Variants in XYLT1 observed in about 807,000 individuals in gnomAD.
XYLT1 encodes the protein beta-D-xylosyltransferase 1.
Under a neutral mutation model 91.3 loss-of-function variants are expected in XYLT1, and 36 were observed. The observed-to-expected ratio is 0.39, with a 90% CI of 0.30 to 0.52. The LOEUF is 0.52. Ranked by LOEUF, XYLT1 falls within the 20% of genes least tolerant of loss-of-function variation. The probability of loss-of-function intolerance (pLI) is 0.68; values close to 1 mark genes in which losing one functional copy is unlikely to be tolerated. For synonymous variants in XYLT1, 588 were observed against 532.0 expected (o/e 1.11, Z -1.45); for missense variants, 1,242 against 1,284.5 (o/e 0.97, Z 0.51).
chr16:17,342,985 CAT>C (rs2035085198), intron 2 of XYLT1, among the ~76,000 whole-genome samples: 1 of 152,098 alleles, frequency 6.6e-6, no homozygotes, highest in African/African-American at 2.4e-5. Context: ...AAAAACAAAA[CAT>C]AAATTTTGAA....
intron 1 of XYLT1, among the ~76,000 whole-genome samples, chr16:17,396,336 C>A (rs2035886492): frequency 6.6e-6 from 1 of 152,172 alleles, no homozygotes; most frequent in Admixed American, 6.5e-5. Flanking sequence ...AGTCTGAAAG[C>A]TCAGCTGGGT....
At chr16:17,118,908 C>T (rs544086336) in intron 10 of XYLT1, among the ~76,000 whole-genome samples, 52 of 152,258 alleles carry the variant, frequency 3.4e-4, no homozygotes, top group African/African-American at 1.2e-3. Flanking sequence ...TGGAATACTC[C>T]TTTCTTGCAC....
intron 3 of XYLT1, among the ~76,000 whole-genome samples, chr16:17,255,152 A>G (rs1231761248): frequency 6.6e-6 from 1 of 151,604 alleles, no homozygotes; most frequent in Non-Finnish European, 1.5e-5. Flanking sequence ...GCACACCACC[A>G]TGCCCAGCTA....
At position 17,209,830 on chromosome 16, in the gene XYLT1, C is replaced by A. The variant is rs1178263894; in HGVS notation, c.914-9176G>T. Among the ~76,000 whole-genome samples the A allele has an allele frequency of 2.0e-5, 3 of 152,248 alleles. No homozygotes were observed. The South Asian group carries it at 6.2e-4, about 31-fold the overall frequency. On this transcript the variant is annotated intron_variant, in intron 3 of 11. Transcript: ENST00000261381. The stretch of plus-strand genomic sequence containing the variant: ...CATCACACTTGAACTTGTAACTAAT[C>A]ACATGGCTGGAGAGTGTTTAACAGG...
Position 17,214,535 on chromosome 16 carries a change from A to T in XYLT1, c.914-13881T>A, listed in dbSNP as rs2032819975. ...ATCCATAGAATCCAAGAGCATAACA[A>T]GTGATGGTGTTTTACGCCACTAAGT... is the stretch of plus-strand genomic sequence containing the variant. On this transcript the variant is annotated intron_variant, in intron 3 of 11. Transcript: ENST00000261381. 2.0e-5 allele frequency among the ~76,000 whole-genome samples: 3 copies of T among 152,168 alleles called. No homozygotes were observed. In the South Asian group the frequency reaches 6.2e-4, roughly 32 times the overall value.
chr16:17,422,114 C>T (rs931367883), intron 1 of XYLT1, among the ~76,000 whole-genome samples: 11 of 152,100 alleles, frequency 7.2e-5, no homozygotes, highest in African/African-American at 2.7e-4. Flanking sequence ...TCCCGAGTAG[C>T]TGGGACTACA....
chr16:17,115,782 A>G (rs1966850769), intron 11 of XYLT1, among the ~76,000 whole-genome samples: 1 of 138,744 alleles, frequency 7.2e-6, no homozygotes, highest in Admixed American at 7.5e-5. Context: ...CATGGCACCC[A>G]GCCAACCTCT....
chr16:17,110,415 A>G (rs1966837624), intron 11 of XYLT1, among the ~76,000 whole-genome samples: 1 of 152,198 alleles, frequency 6.6e-6, no homozygotes, highest in Non-Finnish European at 1.5e-5. Flanking sequence ...ATAGTGAATA[A>G]GTAAGTCTCA....
At chr16:17,367,421 A>G (rs1490809649) in intron 1 of XYLT1, among the ~76,000 whole-genome samples, 1 of 152,126 alleles carries the variant, frequency 6.6e-6, no homozygotes, top group Non-Finnish European at 1.5e-5. Context: ...ATTCATCCCG[A>G]TAATTAGCTT....
chr16:17,142,503 G>T (rs2031010636), intron 6 of XYLT1, among the ~76,000 whole-genome samples: 2 of 138,548 alleles, frequency 1.4e-5, no homozygotes, highest in East Asian at 2.1e-4. Flanking sequence ...GCATGATCTT[G>T]GCTCACAGTA....
At chr16:17,142,929 T>C (rs999530277) in intron 6 of XYLT1, among the ~76,000 whole-genome samples, 1 of 152,184 alleles carries the variant, frequency 6.6e-6, no homozygotes, top group Non-Finnish European at 1.5e-5. Flanking sequence ...AAAAAAGATA[T>C]CATTTTCTTC....
At chr16:17,140,452 G>A (rs548975906) in intron 7 of XYLT1, among the ~76,000 whole-genome samples, 216 of 152,140 alleles carry the variant, frequency 1.4e-3, no homozygotes, top group African/African-American at 5.0e-3. Context: ...CTTGAGGCCA[G>A]GAGTTCAAGA....
chr16:17,179,878 C>T lies in XYLT1; in HGVS notation c.1289+18334G>A, dbSNP rs141086778. ...ATAAACATGGACATTTTCAAAGACTCGCCTGCATTTCTCTTTAAATCATCT... is the reference window on the plus strand; with the variant it reads ...ATAAACATGGACATTTTCAAAGACTTGCCTGCATTTCTCTTTAAATCATCT... On this transcript the variant is annotated intron_variant, in intron 5 of 11. Transcript: ENST00000261381. Among the ~76,000 whole-genome samples, 773 of 152,298 alleles carry T rather than the reference C, an allele frequency of 5.1e-3. 7 individuals carry two copies. Among genetic ancestry groups the T allele is most frequent in the Middle Eastern group, 0.027 (8 of 294 alleles).
intron 3 of XYLT1, among the ~76,000 whole-genome samples, chr16:17,254,156 C>T (rs2033592667): frequency 6.6e-6 from 1 of 152,210 alleles, no homozygotes. Context: ...GACCCTTGAA[C>T]AGCACAGGTT....
intron 1 of XYLT1, among the ~76,000 whole-genome samples, chr16:17,448,978 C>T (rs1179327180): frequency 6.6e-6 from 1 of 152,182 alleles, no homozygotes; most frequent in Non-Finnish European, 1.5e-5. Context: ...GCTGCGAACT[C>T]CGGCACCTTG....
At chr16:17,122,188 C>T (rs1445618661) in intron 10 of XYLT1, among the ~76,000 whole-genome samples, 1 of 152,174 alleles carries the variant, frequency 6.6e-6, no homozygotes, top group African/African-American at 2.4e-5. Flanking sequence ...ACATTGTTTT[C>T]CATAGTGGTT....
intron 2 of XYLT1, among the ~76,000 whole-genome samples, chr16:17,282,883 T>A (rs952543827): frequency 6.6e-6 from 1 of 152,188 alleles, no homozygotes; most frequent in African/African-American, 2.4e-5. Context: ...TATTTCATCC[T>A]TGCAAGGATC....
chr16:17,140,901 G>A (rs1235869353), intron 7 of XYLT1, among the ~76,000 whole-genome samples: 1 of 152,172 alleles, frequency 6.6e-6, no homozygotes, highest in Non-Finnish European at 1.5e-5. Flanking sequence ...TCTTGAGGAA[G>A]AGCTGCCTTT....
rs556227639 is a variant in XYLT1 at position 17,342,730 on chromosome 16, A to AC, written c.402+15281dup. On this transcript the variant is annotated intron_variant, in intron 2 of 11. Transcript: ENST00000261381. Reference sequence around the variant, plus strand: ...GAGAGAGACCCTGTCTCAAAAAAAAACACATGCGTTTCTCATTTACTACCT... The same window carrying AC: ...GAGAGAGACCCTGTCTCAAAAAAAAACCACATGCGTTTCTCATTTACTACCT... Among the ~76,000 whole-genome samples, 397 of 151,548 alleles carry AC rather than the reference A, an allele frequency of 2.6e-3. 1 individual carries two copies. The highest frequency in any genetic ancestry group is 9.4e-3 in the African/African-American group (386 of 40,980).
Sources: allele counts gnomAD v4.1 joint callset (sites outside exome capture counted in the v4.1 genomes callset), GRCh38; gene constraint gnomAD v4.1.1; transcripts MANE v1.5; gene names NCBI Gene and HGNC (gene_info 2026-07-23, HGNC 2026-07-21).